Variants in DCC observed in about 807,000 individuals in gnomAD.
The protein encoded by DCC is DCC netrin 1 receptor, also known as netrin receptor DCC.
Under a neutral mutation model 172.5 loss-of-function variants are expected in DCC, and 58 were observed. The observed-to-expected ratio is 0.34, with a 90% CI of 0.27 to 0.42. DCC has a LOEUF of 0.42. Among genes scored for constraint, DCC ranks in the 10% least tolerant of loss-of-function variants. The pLI, the probability that DCC is intolerant of heterozygous loss-of-function variation, is 1.00. For synonymous variants in DCC, 709 were observed against 644.5 expected, an observed-to-expected ratio of 1.10 and a Z score of -1.52; for missense variants, 1,740 against 1,791.0, an observed-to-expected ratio of 0.97 and a Z score of 0.51.
chr18:53,289,754 C>T (rs2056980092), intron 12 of DCC, among the ~76,000 whole-genome samples: 2 of 152,116 alleles, frequency 1.3e-5, no homozygotes, highest in African/African-American at 4.8e-5. Flanking sequence ...CTTGATTGTG[C>T]ATCTGACGTG....
At chr18:53,485,658 G>C (rs1359646068) in intron 25 of DCC, among the ~76,000 whole-genome samples, 1 of 151,766 alleles carries the variant, frequency 6.6e-6, no homozygotes, top group Non-Finnish European at 1.5e-5. Context: ...AATAAATTCT[G>C]GTATATAATT....
At chr18:53,131,027 G>T (rs760494038) in intron 7 of DCC, among the ~76,000 whole-genome samples, 9 of 152,100 alleles carry the variant, frequency 5.9e-5, no homozygotes, top group Middle Eastern at 3.4e-3. Flanking sequence ...GCCTAATGGG[G>T]CCATTTAGTT....
rs190059184 is a variant in DCC, at chr18:52,532,266, C to T, written c.91+191388C>T. The stretch of plus-strand genomic sequence containing the variant: ...AAGCATCCTAGGCATATACATTTTG[C>T]ATGTGATTAATGTGAGGACTTCTTA... On this transcript the variant is annotated intron_variant, in intron 1 of 28. Transcript: ENST00000442544. 3.2e-4 allele frequency among the ~76,000 whole-genome samples: 48 copies of T among 152,270 alleles called. 1 individual carries two copies. The South Asian group carries it at 6.4e-3, about 20-fold the overall frequency.
chr18:53,307,950 T>C (rs904097706), intron 13 of DCC, among the ~76,000 whole-genome samples: 1 of 121,930 alleles, frequency 8.2e-6, no homozygotes, highest in African/African-American at 3.0e-5. Flanking sequence ...TATATATATA[T>C]GTATTTTATA....
At chr18:52,953,247 A>G (rs2040688047) in intron 5 of DCC, among the ~76,000 whole-genome samples, 1 of 152,158 alleles carries the variant, frequency 6.6e-6, no homozygotes, top group African/African-American at 2.4e-5. Flanking sequence ...TTTCATTCTC[A>G]GTGCTTAGAT....
chr18:53,530,241 G>A lies in DCC; in HGVS notation c.4255-323G>A, dbSNP rs151282878. The A allele has an allele frequency of 4.6e-3, 3,093 of 668,122 alleles. 83 individuals are homozygous for A. In the African/African-American group the frequency reaches 0.048, roughly 10 times the overall value. 41.4% of individuals were successfully genotyped at this position (668,122 alleles called of 1,614,324 possible). ...TCATTTTATAGATGAAGAAAATTAC[G>A]TATCAGAGAGGTGCACTCACTTGTC... On this transcript the variant is annotated intron_variant, in intron 28 of 28. Coordinates refer to ENST00000442544, the MANE Select transcript of DCC (RefSeq NM_005215.4).
At chr18:53,214,166 A>T (rs1403551085) in intron 11 of DCC, among the ~76,000 whole-genome samples, 1 of 152,136 alleles carries the variant, frequency 6.6e-6, no homozygotes, top group African/African-American at 2.4e-5. Context: ...ATATTTTTGA[A>T]AGAATACTTG....
At chr18:53,238,291 A>G (rs551648812) in intron 12 of DCC, among the ~76,000 whole-genome samples, 43 of 152,316 alleles carry the variant, frequency 2.8e-4, no homozygotes, top group African/African-American at 1.0e-3. Flanking sequence ...AGAATTATTC[A>G]ATGTGAACAC....
intron 12 of DCC, among the ~76,000 whole-genome samples, chr18:53,254,677 G>A (rs368578343): frequency 1.1e-4 from 17 of 152,078 alleles, no homozygotes; most frequent in East Asian, 9.7e-4. Context: ...TTATTAGCAG[G>A]TGCATTTAAA....
intron 2 of DCC, among the ~76,000 whole-genome samples, chr18:52,838,735 A>C (rs1479218858): frequency 6.6e-6 from 1 of 152,200 alleles, no homozygotes; most frequent in Non-Finnish European, 1.5e-5. Flanking sequence ...AATGCAAATT[A>C]TTTTTGGCTT....
intron 5 of DCC, among the ~76,000 whole-genome samples, chr18:52,965,283 A>C (rs1389928076): frequency 6.6e-6 from 1 of 152,220 alleles, no homozygotes; most frequent in Non-Finnish European, 1.5e-5. Context: ...GAAGAAACAG[A>C]CTAAGTACTA....
intron 2 of DCC, among the ~76,000 whole-genome samples, chr18:52,890,909 T>A (rs183786903): frequency 6.6e-6 from 1 of 152,224 alleles, no homozygotes; most frequent in East Asian, 1.9e-4. Context: ...TAAATTCAGC[T>A]GTTTTAAATG....
chr18:53,099,372 C>T (rs1215798117), intron 7 of DCC, among the ~76,000 whole-genome samples: 2 of 152,110 alleles, frequency 1.3e-5, no homozygotes, highest in Non-Finnish European at 1.5e-5. Flanking sequence ...GTCCTTCTAG[C>T]TTCCTACTAT....
At chr18:53,444,160 C>G (rs538036196) in intron 22 of DCC, among the ~76,000 whole-genome samples, 1 of 152,322 alleles carries the variant, frequency 6.6e-6, no homozygotes, top group African/African-American at 2.4e-5. Context: ...GGGTAAAATG[C>G]TATCAAATAC....
chr18:52,617,970 T>G (rs1344023776), intron 1 of DCC, among the ~76,000 whole-genome samples: 1 of 152,102 alleles, frequency 6.6e-6, no homozygotes, highest in Non-Finnish European at 1.5e-5. Context: ...AAACCTAATA[T>G]GAGAAATATA....
chr18:53,111,942 T>C (rs540204603), intron 7 of DCC, among the ~76,000 whole-genome samples: 4 of 151,668 alleles, frequency 2.6e-5, no homozygotes, highest in African/African-American at 7.2e-5. Flanking sequence ...AAATGAGAGT[T>C]GTGTTAAGAG....
chr18:53,297,471 T>G (rs1279481749), intron 12 of DCC, among the ~76,000 whole-genome samples: 1 of 152,216 alleles, frequency 6.6e-6, no homozygotes, highest in Non-Finnish European at 1.5e-5. Context: ...TGATAAGGAT[T>G]AATTTCTCCC....
chr18:53,249,384 G>T (rs2056401893), intron 12 of DCC, among the ~76,000 whole-genome samples: 1 of 151,914 alleles, frequency 6.6e-6, no homozygotes, highest in Admixed American at 6.6e-5. Context: ...TGATGGAAGA[G>T]GTTCCATCTA....
At chr18:53,026,417 C>T (rs754143692) in intron 5 of DCC, among the ~76,000 whole-genome samples, 2 of 152,068 alleles carry the variant, frequency 1.3e-5, no homozygotes, top group Non-Finnish European at 2.9e-5. Flanking sequence ...TACTAGGAAG[C>T]AGTGATTTTT....
Sources: allele counts gnomAD v4.1 joint callset (sites outside exome capture counted in the v4.1 genomes callset), GRCh38; gene constraint gnomAD v4.1.1; transcripts MANE v1.5; gene names NCBI Gene and HGNC (gene_info 2026-07-23, HGNC 2026-07-21).